The following LAMC3 variants were observed in gnomAD, a reference collection of about 807,000 sequenced individuals.
LAMC3 encodes laminin subunit gamma 3.
In LAMC3, 128 loss-of-function variants were observed where a neutral mutation model predicts 173.8. That is an observed-to-expected ratio of 0.74 (90% CI 0.64 to 0.85). The LOEUF (loss-of-function observed/expected upper bound fraction) is 0.85, where lower values mean the gene tolerates loss of function less well. Ranked by LOEUF, LAMC3 falls within the 40% of genes least tolerant of loss-of-function variation. LAMC3 has a pLI of 0.00. For synonymous variants in LAMC3, 897 were observed against 909.1 expected, an observed-to-expected ratio of 0.99 and a Z score of 0.24; for missense variants, 2,022 against 2,156.0, an observed-to-expected ratio of 0.94 and a Z score of 1.23.
rs137894550 is a variant in LAMC3 at position 131,087,755 on chromosome 9, G to A, written c.4415G>A (p.Arg1472Gln). The change falls in exon 27 of 28, where the codon CGG becomes CAG. Residue 1472 changes from arginine to glutamine, a missense_variant. Coordinates refer to ENST00000361069, the MANE Select transcript of LAMC3 (RefSeq NM_006059.4). ...CTGAGCGAGATGGAGCAGCAGATCC[G>A]GGAATCGCGTATCTCACTGGAGAAG... ...AGLSEMEQQI[R>Q]ESRISLEKDI... 3.2e-4 allele frequency: 513 copies of A among 1,614,164 alleles called. No individual in the cohort carries two copies. The highest frequency in any genetic ancestry group is 3.1e-4 in the Non-Finnish European group (370 of 1,180,044).
At chr9:131,011,589 C>T (rs1315033351) in intron 1 of LAMC3, among the ~76,000 whole-genome samples, 1 of 150,906 alleles carries the variant, frequency 6.6e-6, no homozygotes, top group Non-Finnish European at 1.5e-5. Context: ...TCTGGGGCCA[C>T]GTCACCTTCT....
At position 131,091,668 on chromosome 9, in the gene LAMC3, C is replaced by T; in HGVS notation, c.4609C>T (p.Gln1537Ter). The part of the protein sequence containing the change: ...RKLSLLEQES[Q>*]QQELQIQGFE... ...ACTCAGTCTGCTGGAGCAGGAATCC[C>T]AGCAGCAGGAGCTGCAGATCCAGGG... The change falls in exon 28 of 28, where the codon CAG becomes TAG. Residue 1537 changes from glutamine to a stop codon, truncating the protein, a stop_gained. Transcript: ENST00000361069. LOFTEE classifies it high-confidence loss of function. The T allele has an allele frequency of 6.2e-7, 1 of 1,608,860 alleles. No individual in the cohort carries two copies.
chr9:131,035,804 G>T (rs1186501407), intron 3 of LAMC3, among the ~76,000 whole-genome samples: 1 of 152,146 alleles, frequency 6.6e-6, no homozygotes, highest in Non-Finnish European at 1.5e-5. Context: ...GGAGACTAAG[G>T]TGACTTCTTC....
Position 131,084,580 on chromosome 9 carries a change from T to C in LAMC3, c.4031-944T>C, listed in dbSNP as rs142720363. ...TTACCAAGAAATAAACTACTTCTTATTGGATAATAAAATCTATGGGAATTC... is the reference window on the plus strand; with the variant it reads ...TTACCAAGAAATAAACTACTTCTTACTGGATAATAAAATCTATGGGAATTC... On this transcript the variant is annotated intron_variant, in intron 24 of 27. Coordinates refer to ENST00000361069, the MANE Select transcript of LAMC3 (RefSeq NM_006059.4). Among the ~76,000 whole-genome samples, 187 of 152,284 alleles carry C rather than the reference T, an allele frequency of 1.2e-3. 2 individuals carry two copies. In the Middle Eastern group the frequency reaches 0.024, roughly 19 times the overall value.
At position 131,055,549 on chromosome 9, in the gene LAMC3, C is replaced by A. The variant is rs187336199; in HGVS notation, c.1940-1380C>A. Among the ~76,000 whole-genome samples, 15 of 151,190 alleles carry A rather than the reference C, an allele frequency of 9.9e-5. No homozygotes were observed. The East Asian group carries it at 2.9e-3, about 29-fold the overall frequency. On this transcript the variant is annotated intron_variant, in intron 11 of 27. Transcript: ENST00000361069. ...ATGTCATCCTCCTGCCTCAGCCTCC[C>A]GAGTAGCTAGGACTACAGGCGCCCG...
chr9:131,047,375 C>T (rs941853061), intron 8 of LAMC3, among the ~76,000 whole-genome samples: 22 of 150,952 alleles, frequency 1.5e-4, no homozygotes, highest in Non-Finnish European at 3.0e-5. Flanking sequence ...CCATGTTGGT[C>T]AGGCTGGTCT....
At position 131,036,178 on chromosome 9, in the gene LAMC3, C is replaced by T. The variant is rs141439509; in HGVS notation, c.822C>T (p.Asn274=). 18 of 1,613,054 alleles carry T rather than the reference C, an allele frequency of 1.1e-5. No individual in the cohort carries two copies. The highest frequency in any genetic ancestry group is 3.3e-5 in the Admixed American group (2 of 59,998). ...DFSVGGRCKC[N]GHASECGPDV... ...TGTCTTTTCCCAGGTGCAAGTGCAA[C>T]GGGCATGCCAGCGAGTGCGGCCCCG... Residue 274 remains asparagine (N), a synonymous_variant, in exon 4 of 28, where the codon AAC becomes AAT. Transcript: ENST00000361069.
chr9:131,068,878 C>T, intron 15 of LAMC3, 30 bp from the exon 16 acceptor site: 1 of 1,613,402 alleles, frequency 6.2e-7, no homozygotes, highest in South Asian at 1.1e-5. Flanking sequence ...CCTGAGCTTG[C>T]CTCAGACCCA....
At chr9:131,090,856 G>C (rs1830412032) in intron 27 of LAMC3, among the ~76,000 whole-genome samples, 1 of 127,492 alleles carries the variant, frequency 7.8e-6, no homozygotes, top group South Asian at 2.7e-4. Context: ...GTGAAACCCT[G>C]TCTCTACTAA....
At chr9:131,046,804 G>A (rs529807307) in intron 8 of LAMC3, among the ~76,000 whole-genome samples, 46 of 152,154 alleles carry the variant, frequency 3.0e-4, no homozygotes, top group Admixed American at 2.6e-4. Context: ...CCCACGGAGC[G>A]CCCCGCACCT....
chr9:131,075,763 C>G, intron 20 of LAMC3, 68 bp from the exon 21 acceptor site: 1 of 1,532,996 alleles, frequency 6.5e-7, no homozygotes, highest in African/African-American at 1.4e-5. Flanking sequence ...TAGTAGGGGG[C>G]GTAGTTCTGA....
intron 22 of LAMC3, among the ~76,000 whole-genome samples, chr9:131,078,213 C>T (rs917173941): frequency 2.0e-5 from 3 of 152,074 alleles, no homozygotes; most frequent in Non-Finnish European, 2.9e-5. Context: ...TCAGCTTGGC[C>T]GGGCGCGGTG....
chr9:131,011,211 G>A (rs769738930), intron 1 of LAMC3, among the ~76,000 whole-genome samples: 11 of 152,168 alleles, frequency 7.2e-5, no homozygotes, highest in East Asian at 1.9e-4. Flanking sequence ...GGCCTGCATC[G>A]TCTTTCTAAA....
At position 131,052,659 on chromosome 9, in the gene LAMC3, C is replaced by G; in HGVS notation, c.1799C>G (p.Pro600Arg). The change falls in exon 10 of 28, where the codon CCC becomes CGC. Residue 600 changes from proline (P) to arginine (R), a missense_variant. Coordinates refer to ENST00000361069, the MANE Select transcript of LAMC3 (RefSeq NM_006059.4). ...SLSGPQDAGH[P>R]REVELRFHLQ... Reference sequence around the variant, plus strand: ...TCTGGCCCCCAGGATGCCGGGCATCCCAGGGAGGTAGAGCTCAGGTTCCAG... The same window carrying G: ...TCTGGCCCCCAGGATGCCGGGCATCGCAGGGAGGTAGAGCTCAGGTTCCAG... 6.2e-7 allele frequency: 1 copy of G among 1,613,738 alleles called. No individual in the cohort carries two copies. Among genetic ancestry groups the G allele is most frequent in the African/African-American group, 1.3e-5 (1 of 75,032 alleles).
intron 7 of LAMC3, among the ~76,000 whole-genome samples, chr9:131,043,581 GA>G (rs1392360848): frequency 6.6e-6 from 1 of 152,180 alleles, no homozygotes; most frequent in Non-Finnish European, 1.5e-5. Flanking sequence ...GATAGTATTG[GA>G]TTATAACCCA....
Position 131,085,636 on chromosome 9 carries a change from G to C in LAMC3, c.4143G>C (p.Glu1381Asp), listed in dbSNP as rs1353690427. 6.2e-7 allele frequency: 1 copy of C among 1,614,178 alleles called. No homozygotes were observed. The highest frequency in any genetic ancestry group is 1.1e-5 in the South Asian group (1 of 91,086). Residue 1381 changes from glutamate (E) to aspartate (D), a missense_variant, in exon 25 of 28, where the codon GAG (glutamate) becomes GAC (aspartate). Glu to Asp is a conservative substitution (Grantham distance 45, BLOSUM62 2). Transcript: ENST00000361069. ...CGAGAAAGAAGACCAAGCAGGCGGA[G>C]AGGATGCTGGGAAACGCGGCCCCTC... is the stretch of plus-strand genomic sequence containing the variant. Reference protein sequence around the residue: ...ADTRKKTKQAERMLGNAAPLS... With the variant: ...ADTRKKTKQADRMLGNAAPLS...
rs56220728 is a variant in LAMC3, at chr9:131,055,423, C to CTTTTTT, written c.1940-1492_1940-1487dup. ...ATCCACACTCTTTTTTCTTTTCTTT[C>CTTTTTT]TTTTTTTTTTTTTTTTTTTGAGACG... On this transcript the variant is annotated intron_variant, in intron 11 of 27. Coordinates refer to ENST00000361069, the MANE Select transcript of LAMC3 (RefSeq NM_006059.4). Among the ~76,000 whole-genome samples the CTTTTTT allele has an allele frequency of 5.9e-3, 641 of 109,150 alleles. 6 individuals are homozygous for CTTTTTT. The highest frequency in any genetic ancestry group is 6.5e-3 in the Non-Finnish European group (368 of 56,402). 71.6% of individuals were successfully genotyped at this position (109,150 alleles called of 152,430 possible).
At position 131,036,224 on chromosome 9, in the gene LAMC3, T is replaced by C; in HGVS notation, c.868T>C (p.Cys290Arg). Reference sequence around the variant, plus strand: ...CCCCGACGTGGCAGGCCAGTTGGCCTGCCGGTGCCAGCACAACACCACCGG... The same window carrying C: ...CCCCGACGTGGCAGGCCAGTTGGCCCGCCGGTGCCAGCACAACACCACCGG... ...CGPDVAGQLA[C>R]RCQHNTTGTD... Residue 290 changes from cysteine (C) to arginine (R), a missense_variant, in exon 4 of 28, where the codon TGC (cysteine) becomes CGC (arginine). By Grantham distance (180) the Cys-to-Arg change is radical (BLOSUM62 -3). Coordinates refer to ENST00000361069, the MANE Select transcript of LAMC3 (RefSeq NM_006059.4). 6.2e-7 allele frequency: 1 copy of C among 1,613,052 alleles called. No homozygotes were observed. Among genetic ancestry groups the C allele is most frequent in the Non-Finnish European group, 8.5e-7 (1 of 1,179,810 alleles).
chr9:131,080,736 G>A (rs927754683), intron 23 of LAMC3, among the ~76,000 whole-genome samples: 1 of 152,104 alleles, frequency 6.6e-6, no homozygotes, highest in Non-Finnish European at 1.5e-5. Context: ...CGTCCAGGGT[G>A]AGGTTGCCAG....
Sources: allele counts gnomAD v4.1 joint callset (sites outside exome capture counted in the v4.1 genomes callset), GRCh38; gene constraint gnomAD v4.1.1; transcripts MANE v1.5; gene names NCBI Gene and HGNC (gene_info 2026-07-23, HGNC 2026-07-21).